Variants in RAPGEF6 observed in about 807,000 individuals in gnomAD.
RAPGEF6 encodes the protein Rap guanine nucleotide exchange factor 6.
RAPGEF6 carries 56 observed loss-of-function variants against 171.4 expected under a neutral mutation model. That is an observed-to-expected ratio of 0.33 (90% confidence interval 0.26 to 0.41). RAPGEF6 has a LOEUF of 0.41. Ranked by LOEUF, RAPGEF6 falls within the 10% of genes least tolerant of loss-of-function variation. The pLI is 1.00. For missense variants in RAPGEF6, 1,674 were observed against 1,921.4 expected (o/e 0.87, Z 2.41); for synonymous variants, 692 against 650.1 (o/e 1.06, Z -0.98).
intron 4 of RAPGEF6, among the ~76,000 whole-genome samples, chr5:131,585,227 C>A (rs1470208284): frequency 6.7e-6 from 1 of 149,984 alleles, no homozygotes; most frequent in East Asian, 2.0e-4. Context: ...TCCAGGTAGA[C>A]TACAGATTTA....
intron 1 of RAPGEF6, among the ~76,000 whole-genome samples, chr5:131,634,521 G>A (rs938717147): frequency 6.6e-6 from 1 of 152,114 alleles, no homozygotes; most frequent in Non-Finnish European, 1.5e-5. Flanking sequence ...AACTAACTTT[G>A]AAAACTTTAT....
intron 27 of RAPGEF6, among the ~76,000 whole-genome samples, chr5:131,427,760 G>A (rs1312995161): frequency 1.3e-5 from 2 of 152,126 alleles, no homozygotes; most frequent in East Asian, 3.8e-4. Flanking sequence ...TTCCATTTGA[G>A]CCACAGGGTA....
intron 5 of RAPGEF6, among the ~76,000 whole-genome samples, chr5:131,552,740 C>T (rs998989545): frequency 2.0e-5 from 3 of 152,120 alleles, no homozygotes; most frequent in South Asian, 4.2e-4. Context: ...ACATTACAGG[C>T]GTGAGCCACC....
chr5:131,625,610 T>C (rs983949942), intron 1 of RAPGEF6, among the ~76,000 whole-genome samples: 4 of 151,976 alleles, frequency 2.6e-5, no homozygotes, highest in African/African-American at 9.7e-5. Context: ...GGTCGGGAGA[T>C]CGAGACCATC....
At chr5:131,504,188 G>C (rs952876296) in intron 11 of RAPGEF6, among the ~76,000 whole-genome samples, 1 of 152,134 alleles carries the variant, frequency 6.6e-6, no homozygotes, top group African/African-American at 2.4e-5. Flanking sequence ...TAGAGATCAG[G>C]CATGGTGGCT....
chr5:131,592,280 C>A, intron 4 of RAPGEF6, 103 bp downstream of exon 4: 2 of 1,493,520 alleles, frequency 1.3e-6, no homozygotes, highest in South Asian at 1.3e-5. Flanking sequence ...TGCCAACAAG[C>A]AAAGACATTT....
intron 7 of RAPGEF6, 141 bp downstream of exon 7, chr5:131,521,249 G>T: frequency 1.3e-6 from 1 of 777,082 alleles, no homozygotes; most frequent in Non-Finnish European, 1.9e-6. Flanking sequence ...ATTTGACACA[G>T]TATATAAAGC....
intron 23 of RAPGEF6, 99 bp downstream of exon 23, chr5:131,442,250 C>G: frequency 8.2e-7 from 1 of 1,213,088 alleles, no homozygotes; most frequent in Middle Eastern, 2.2e-4. Flanking sequence ...ATTACACAAC[C>G]TACAACAGCT....
intron 17 of RAPGEF6, 164 bp from the exon 18 acceptor site, chr5:131,464,445 T>A: frequency 4.8e-6 from 1 of 208,694 alleles, no homozygotes; most frequent in Non-Finnish European, 9.1e-6. Context: ...AAATATATCC[T>A]TTTTTTTTTT....
intron 19 of RAPGEF6, among the ~76,000 whole-genome samples, chr5:131,457,201 A>C (rs902859098): frequency 2.0e-5 from 3 of 152,180 alleles, no homozygotes; most frequent in Non-Finnish European, 4.4e-5. Flanking sequence ...AGCTGGGATT[A>C]CAGGAATTAC....
At chr5:131,633,905 A>G (rs1561625797) in intron 1 of RAPGEF6, among the ~76,000 whole-genome samples, 1 of 152,316 alleles carries the variant, frequency 6.6e-6, no homozygotes, top group East Asian at 1.9e-4. Flanking sequence ...CACTCATCGA[A>G]TTATAAATGT....
At chr5:131,581,233 T>C (rs1762940865) in intron 4 of RAPGEF6, among the ~76,000 whole-genome samples, 1 of 152,168 alleles carries the variant, frequency 6.6e-6, no homozygotes, top group African/African-American at 2.4e-5. Context: ...AAAGTGTTGT[T>C]TTTACTTAAA....
chr5:131,439,103 G>A lies in RAPGEF6; in HGVS notation c.3745+478C>T. ...GCCTAAGTTTTAAATTGTTTGTAGA[G>A]TTGGGGTCTCATCATGTTGCCCTGG... is the stretch of plus-strand genomic sequence containing the variant. On this transcript the variant is annotated intron_variant, in intron 24 of 27. Transcript: ENST00000509018. 1.3e-5 allele frequency among the ~76,000 whole-genome samples: 2 copies of A among 152,060 alleles called. 1 individual carries two copies. Among genetic ancestry groups the A allele is most frequent in the Non-Finnish European group, 2.9e-5 (2 of 68,012 alleles).
chr5:131,519,704 GA>G (rs1165708727), intron 7 of RAPGEF6, among the ~76,000 whole-genome samples: 7 of 152,180 alleles, frequency 4.6e-5, no homozygotes, highest in African/African-American at 1.7e-4. Context: ...TATAGTCTTA[GA>G]AAAGTCCAGA....
chr5:131,444,071 T>C (rs1752541998), intron 22 of RAPGEF6, among the ~76,000 whole-genome samples: 1 of 152,236 alleles, frequency 6.6e-6, no homozygotes, highest in South Asian at 2.1e-4. Context: ...CAGGGTGGTT[T>C]CAATGCAGGT....
At chr5:131,489,730 GAATA>G (rs1006661715) in intron 14 of RAPGEF6, 76 bp from the exon 15 acceptor site, 2 of 704,914 alleles carry the variant, frequency 2.8e-6, no homozygotes, top group African/African-American at 3.8e-5. Flanking sequence ...GTTTAATAGT[GAATA>G]AATAAAATGA....
chr5:131,499,637 T>TTGAGCTTC, intron 11 of RAPGEF6, among the ~76,000 whole-genome samples: 1 of 151,838 alleles, frequency 6.6e-6, no homozygotes, highest in South Asian at 2.1e-4. Context: ...CTGCTCTTCT[T>TTGAGCTTC]TGAGCTTCTG....
In RAPGEF6 at chr5:131,429,043, A is replaced by G. The variant is rs759081697; in HGVS notation, c.4639T>C (p.Ser1547Pro). ...QRSKMMHNSL[S>P]RLPPASLSSN... is the part of the protein sequence containing the mutation. The stretch of plus-strand genomic sequence containing the variant: ...CTGAGAGAAGCTGGTGGCAGTCTAG[A>G]GAGGCTGTTATGCATCATCTTTGAC... Residue 1547 changes from serine to proline, a missense_variant, in exon 27 of 28, where the codon TCT (serine) becomes CCT (proline). Ser to Pro is a moderately conservative substitution (Grantham distance 74). Transcript: ENST00000509018. The G allele has an allele frequency of 3.1e-6, 5 of 1,614,030 alleles. No homozygotes were observed. In the African/African-American group the frequency reaches 4.0e-5, roughly 13 times the overall value.
chr5:131,461,883 CTGTTTTGGAATTTAACTTAAAAAGG>C lies in RAPGEF6; in HGVS notation c.2661_2685del (p.Asp887GlufsTer6). 1 of 1,614,034 alleles carries C rather than the reference CTGTTTTGGAATTTAACTTAAAAAGG, an allele frequency of 6.2e-7. No individual in the cohort carries two copies. The highest frequency in any genetic ancestry group is 8.5e-7 in the Non-Finnish European group (1 of 1,179,972). On this transcript the variant is annotated frameshift_variant, in exon 19 of 28. Coordinates refer to ENST00000509018, the MANE Select transcript of RAPGEF6 (RefSeq NM_016340.6). LOFTEE classifies it high-confidence loss of function. ...TCAAACCTCTTCAAATGAGTATTTC[CTGTTTTGGAATTTAACTTAAAAAGG>C]TCATCGATGTACTCAGTCGGTTCAA...
Sources: gnomAD v4.1 joint callset for allele counts (sites outside exome capture counted in the v4.1 genomes callset) on GRCh38, gnomAD v4.1.1 for gene constraint, MANE v1.5 for transcripts, NCBI Gene and HGNC (gene_info 2026-07-23, HGNC 2026-07-21) for gene names.